ATP10B: variants seen among roughly 807,000 people sequenced by gnomAD.
The protein encoded by ATP10B is phospholipid-transporting ATPase VB.
A neutral mutation model predicts 141.2 loss-of-function variants in ATP10B; 122 were observed. The ratio of observed to expected loss-of-function variants is 0.86; its 90% CI spans 0.75 to 1.00. The LOEUF (loss-of-function observed/expected upper bound fraction) is 1.00, where lower values mean the gene tolerates loss of function less well. Among genes scored for constraint, ATP10B ranks in the 50% least tolerant of loss-of-function variants. ATP10B has a pLI of 0.00. For synonymous variants in ATP10B, 685 were observed against 692.0 expected, an observed-to-expected ratio of 0.99 and a Z score of 0.16; for missense variants, 1,876 against 1,825.3, an observed-to-expected ratio of 1.03 and a Z score of -0.51.
At chr5:160,686,534 G>A (rs1021610512) in intron 5 of ATP10B, among the ~76,000 whole-genome samples, 5 of 152,068 alleles carry the variant, frequency 3.3e-5, no homozygotes, top group South Asian at 2.1e-4. Flanking sequence ...TCCATCACCC[G>A]AGCAGTATAC....
rs189704788 is a variant in ATP10B at position 160,815,142 on chromosome 5, C to T, written c.-575-29339G>A. Among the ~76,000 whole-genome samples, 1,065 of 152,208 alleles carry T rather than the reference C, an allele frequency of 7.0e-3. 18 individuals are homozygous for T. Among genetic ancestry groups the T allele is most frequent in the African/African-American group, 0.024 (1,004 of 41,514 alleles). Reference sequence around the variant, plus strand: ...TCAAATTCACACATAACAATATTAACCTTAAATGTAAATGGGCTAAAATGC... The same window carrying T: ...TCAAATTCACACATAACAATATTAATCTTAAATGTAAATGGGCTAAAATGC... On this transcript the variant is annotated intron_variant, in intron 1 of 25. Transcript: ENST00000327245.
Position 160,611,181 on chromosome 5 carries a change from TACTGGACAGAAAGATTCGTCATTG to T in ATP10B, c.2838+1536_2838+1559del, listed in dbSNP as rs1757699784. ...AGGATTCAGGCACTGTCCTGGAAGA[TACTGGACAGAAAGATTCGTCATTG>T]ACTGAATTAAAGGTGGAGTATGGCT... On this transcript the variant is annotated intron_variant, in intron 18 of 25. Coordinates refer to ENST00000327245, the MANE Select transcript of ATP10B (RefSeq NM_025153.3). Among the ~76,000 whole-genome samples, 4 of 152,264 alleles carry T rather than the reference TACTGGACAGAAAGATTCGTCATTG, an allele frequency of 2.6e-5. No homozygotes were observed. The South Asian group carries it at 8.3e-4, about 32-fold the overall frequency.
chr5:160,690,716 G>A (rs1764027323), intron 3 of ATP10B, among the ~76,000 whole-genome samples: 1 of 152,198 alleles, frequency 6.6e-6, no homozygotes, highest in Non-Finnish European at 1.5e-5. Context: ...ACAGATACTG[G>A]AGAGGATATG....
intron 1 of ATP10B, among the ~76,000 whole-genome samples, chr5:160,814,872 A>G (rs1177035345): frequency 6.6e-6 from 1 of 152,234 alleles, no homozygotes; most frequent in Non-Finnish European, 1.5e-5. Context: ...AGAATTTCAT[A>G]TCCAGCCAAA....
chr5:160,607,246 A>G (rs984873103), intron 18 of ATP10B, among the ~76,000 whole-genome samples, 160 bp from the exon 19 acceptor site: 3 of 152,218 alleles, frequency 2.0e-5, no homozygotes, highest in African/African-American at 7.2e-5. Flanking sequence ...AATATTTGAC[A>G]TAATATCAAA....
At chr5:160,884,604 G>T in the ATP10B span, among the ~76,000 whole-genome samples, 9 of 151,960 alleles carry the variant, frequency 5.9e-5, no homozygotes, top group African/African-American at 2.2e-4. Context: ...TTTTAGGCAG[G>T]CGTCATTATT....
chr5:160,709,192 ATGGTCT>A (rs1765205539), intron 3 of ATP10B, among the ~76,000 whole-genome samples: 1 of 152,224 alleles, frequency 6.6e-6, no homozygotes, highest in Admixed American at 6.5e-5. Context: ...GCATATCCTT[ATGGTCT>A]TGAGGTAGGG....
chr5:160,597,795 G>T (rs1756815366), intron 22 of ATP10B, among the ~76,000 whole-genome samples: 1 of 152,128 alleles, frequency 6.6e-6, no homozygotes, highest in African/African-American at 2.4e-5. Context: ...ATGAAAAAAT[G>T]CTCACCATGA....
chr5:160,813,159 C>T (rs1000087073), intron 1 of ATP10B, among the ~76,000 whole-genome samples: 9 of 152,140 alleles, frequency 5.9e-5, no homozygotes, highest in African/African-American at 1.4e-4. Context: ...TGCAGTGCAC[C>T]GAGCATGAGC....
At chr5:160,913,667 A>G in the ATP10B span, among the ~76,000 whole-genome samples, 1 of 152,286 alleles carries the variant, frequency 6.6e-6, no homozygotes, top group South Asian at 2.1e-4. Context: ...AGCTGACGGC[A>G]TTTAAAGAAC....
chr5:160,818,476 C>T (rs550524954), intron 1 of ATP10B, among the ~76,000 whole-genome samples: 9 of 152,172 alleles, frequency 5.9e-5, no homozygotes, highest in East Asian at 1.9e-4. Context: ...GTTAGAATGG[C>T]GATCATTAAA....
chr5:160,592,496 G>T (rs555979484), intron 22 of ATP10B, among the ~76,000 whole-genome samples: 1 of 152,342 alleles, frequency 6.6e-6, no homozygotes, highest in Non-Finnish European at 1.5e-5. Context: ...CACAGAAGAC[G>T]GGTGATTTCT....
At chr5:160,587,653 T>C (rs1263960034) in intron 24 of ATP10B, among the ~76,000 whole-genome samples, 1 of 152,218 alleles carries the variant, frequency 6.6e-6, no homozygotes, top group African/African-American at 2.4e-5. Context: ...ACTTCCATTG[T>C]TAGCTGTATT....
intron 19 of ATP10B, among the ~76,000 whole-genome samples, chr5:160,604,601 A>G (rs1246548664): frequency 6.6e-6 from 1 of 152,204 alleles, no homozygotes; most frequent in East Asian, 1.9e-4. Flanking sequence ...TTTGTTTCTC[A>G]GTGTAGAGAA....
intron 22 of ATP10B, among the ~76,000 whole-genome samples, chr5:160,594,754 A>G (rs1756564099): frequency 6.6e-6 from 1 of 151,746 alleles, no homozygotes; most frequent in Non-Finnish European, 1.5e-5. Flanking sequence ...CTCTGATAAA[A>G]CAGACTTTAA....
chr5:160,572,404 CA>C (rs1214117400), intron 24 of ATP10B, among the ~76,000 whole-genome samples: 1 of 152,106 alleles, frequency 6.6e-6, no homozygotes, highest in Non-Finnish European at 1.5e-5. Flanking sequence ...CAAGTACTTT[CA>C]AAAGGGAAGC....
intron 1 of ATP10B, among the ~76,000 whole-genome samples, chr5:160,799,449 T>A (rs1263971947): frequency 6.6e-6 from 1 of 152,226 alleles, no homozygotes; most frequent in Admixed American, 6.5e-5. Flanking sequence ...CTTGTCCTCC[T>A]CCTTCTAGCC....
intron 3 of ATP10B, among the ~76,000 whole-genome samples, chr5:160,695,888 GA>G (rs1245599201): frequency 6.1e-5 from 9 of 148,590 alleles, no homozygotes; most frequent in South Asian, 2.1e-4. Context: ...TAAATCGCAG[GA>G]AAAAAAAAGA....
intron 1 of ATP10B, among the ~76,000 whole-genome samples, chr5:160,801,132 T>C (rs1367529026): frequency 1.3e-5 from 2 of 152,156 alleles, no homozygotes; most frequent in African/African-American, 4.8e-5. Context: ...GATGTATTCA[T>C]CCAACATTCC....
Sources: allele counts gnomAD v4.1 joint callset (sites outside exome capture counted in the v4.1 genomes callset), GRCh38; gene constraint gnomAD v4.1.1; transcripts MANE v1.5; gene names NCBI Gene and HGNC (gene_info 2026-07-23, HGNC 2026-07-21).